The following MOB3B variants were observed in gnomAD, a reference collection of about 807,000 sequenced individuals.
MOB3B encodes the protein MOB kinase activator-like 2B.
In MOB3B, 7 loss-of-function variants were observed where a neutral mutation model predicts 18.7. That is an observed-to-expected ratio of 0.37 (90% CI 0.21 to 0.70). MOB3B has a LOEUF of 0.70. Among genes scored for constraint, MOB3B ranks in the 30% least tolerant of loss-of-function variants. MOB3B has a pLI of 0.52. For synonymous variants in MOB3B, 111 were observed against 99.9 expected, an observed-to-expected ratio of 1.11 and a Z score of -0.66; for missense variants, 253 against 281.3, an observed-to-expected ratio of 0.90 and a Z score of 0.72.
chr9:27,515,173 C>A (rs974640481), intron 1 of MOB3B, among the ~76,000 whole-genome samples: 1 of 152,182 alleles, frequency 6.6e-6, no homozygotes, highest in Admixed American at 6.6e-5. Context: ...AACTGTGCCC[C>A]GACTTCATCT....
At chr9:27,466,777 C>T (rs1420054109) in intron 1 of MOB3B, among the ~76,000 whole-genome samples, 1 of 152,118 alleles carries the variant, frequency 6.6e-6, no homozygotes, top group Non-Finnish European at 1.5e-5. Flanking sequence ...ACAAGAATAG[C>T]ACGGGAAAGA....
At chr9:27,371,008 G>T (rs1431905535) in intron 2 of MOB3B, among the ~76,000 whole-genome samples, 1 of 152,108 alleles carries the variant, frequency 6.6e-6, no homozygotes, top group Non-Finnish European at 1.5e-5. Context: ...GGAGAGAAAC[G>T]CATCTATCAG....
At chr9:27,453,407 G>A (rs17768905) in intron 2 of MOB3B, among the ~76,000 whole-genome samples, 19,187 of 152,154 alleles carry the variant, frequency 0.13, 1,286 homozygotes, top group African/African-American at 0.17. Context: ...AGGTAAGCAC[G>A]TTCCCTAAGC....
At chr9:27,422,976 A>G (rs1444462547) in intron 2 of MOB3B, among the ~76,000 whole-genome samples, 1 of 152,250 alleles carries the variant, frequency 6.6e-6, no homozygotes, top group Non-Finnish European at 1.5e-5. Flanking sequence ...GGTGAATATT[A>G]GACGAATTAT....
chr9:27,505,010 C>A (rs1820038497), intron 1 of MOB3B, among the ~76,000 whole-genome samples: 2 of 152,150 alleles, frequency 1.3e-5, no homozygotes, highest in Admixed American at 1.3e-4. Context: ...CTCATAAGGA[C>A]CCTGTGGCTA....
intron 1 of MOB3B, among the ~76,000 whole-genome samples, chr9:27,480,533 C>T (rs1466119358): frequency 1.3e-5 from 2 of 152,118 alleles, no homozygotes; most frequent in African/African-American, 4.8e-5. Flanking sequence ...ATCTCCTGAC[C>T]TTGTGATCCG....
intron 3 of MOB3B, among the ~76,000 whole-genome samples, chr9:27,345,565 C>G (rs184906600): frequency 6.6e-6 from 1 of 152,086 alleles, no homozygotes; most frequent in Non-Finnish European, 1.5e-5. Flanking sequence ...GGTGGTTGCC[C>G]CCACAGCTTC....
intron 1 of MOB3B, among the ~76,000 whole-genome samples, chr9:27,512,047 C>G (rs143136384): frequency 2.4e-4 from 37 of 152,300 alleles, no homozygotes; most frequent in African/African-American, 8.7e-4. Context: ...ATGCACACTC[C>G]TCCATGCTCC....
intron 3 of MOB3B, among the ~76,000 whole-genome samples, chr9:27,351,808 G>C (rs2131348773): frequency 1.3e-5 from 2 of 152,290 alleles, no homozygotes; most frequent in African/African-American, 4.8e-5. Flanking sequence ...CTACCTCTTA[G>C]GGCAACATGA....
intron 1 of MOB3B, among the ~76,000 whole-genome samples, chr9:27,460,749 A>G (rs529916163): frequency 1.9e-4 from 29 of 152,370 alleles, no homozygotes; most frequent in Admixed American, 1.2e-3. Context: ...TAGGAAGGCC[A>G]TAAGAGAAAT....
chr9:27,436,091 A>T (rs1822496300), intron 2 of MOB3B, among the ~76,000 whole-genome samples: 1 of 152,234 alleles, frequency 6.6e-6, no homozygotes, highest in African/African-American at 2.4e-5. Flanking sequence ...CCGTACCACC[A>T]TCCTATCCTT....
intron 1 of MOB3B, among the ~76,000 whole-genome samples, chr9:27,472,918 A>C (rs1819495175): frequency 6.6e-6 from 1 of 152,374 alleles, no homozygotes; most frequent in Non-Finnish European, 1.5e-5. Flanking sequence ...ATTTTTAAAA[A>C]GAAGCATCTA....
intron 2 of MOB3B, among the ~76,000 whole-genome samples, chr9:27,388,458 T>C (rs1004999236): frequency 1.6e-4 from 25 of 151,698 alleles, no homozygotes; most frequent in African/African-American, 5.8e-4. Context: ...TCAGAGTATC[T>C]TTTTTTTTCT....
intron 2 of MOB3B, among the ~76,000 whole-genome samples, chr9:27,436,976 TA>T (rs1303563791): frequency 3.2e-5 from 2 of 63,140 alleles, no homozygotes; most frequent in African/African-American, 1.3e-4. Flanking sequence ...GGAAAGGGAG[TA>T]GGGGGAAGAG....
Position 27,330,430 on chromosome 9 carries a change from A to C in MOB3B, c.*157T>G. 9.9e-6 allele frequency: 9 copies of C among 905,014 alleles called. No homozygotes were observed. The highest frequency in any genetic ancestry group is 1.5e-5 in the Non-Finnish European group (9 of 600,528). 56.1% of individuals were successfully genotyped at this position (905,014 alleles called of 1,614,324 possible). On this transcript the variant is annotated 3_prime_UTR_variant, in exon 4 of 4. Coordinates refer to ENST00000262244, the MANE Select transcript of MOB3B (RefSeq NM_024761.5). ...CACTCAGAAGGTTAAGAGCACACAA[A>C]GTGAGTGGGGAATGTCTCTCAGGAG... is the stretch of plus-strand genomic sequence containing the variant.
chr9:27,398,194 A>G (rs975463746), intron 2 of MOB3B, among the ~76,000 whole-genome samples: 5 of 152,178 alleles, frequency 3.3e-5, no homozygotes, highest in African/African-American at 1.2e-4. Flanking sequence ...ACAGAATCCA[A>G]TGTCACACAG....
chr9:27,403,661 A>G (rs1054674791), intron 2 of MOB3B, among the ~76,000 whole-genome samples: 1 of 150,946 alleles, frequency 6.6e-6, no homozygotes, highest in Non-Finnish European at 1.5e-5. Context: ...TTGTATGTTT[A>G]GAAGAGACAG....
intron 2 of MOB3B, among the ~76,000 whole-genome samples, chr9:27,407,130 C>T (rs1055178616): frequency 1.3e-5 from 2 of 152,154 alleles, no homozygotes; most frequent in Non-Finnish European, 2.9e-5. Flanking sequence ...AACTACCACG[C>T]CCGGCCCAAA....
In MOB3B at chr9:27,521,065, G is replaced by C. The variant is rs143124891; in HGVS notation, c.-199+8490C>G. 8.0e-3 allele frequency among the ~76,000 whole-genome samples: 1,220 copies of C among 152,228 alleles called. 7 individuals carry two copies. The highest frequency in any genetic ancestry group is 0.027 in the Middle Eastern group (8 of 294). The stretch of plus-strand genomic sequence containing the variant: ...TCTATTAACGTTTACAGAACATGGG[G>C]AATGGAGTCCTTGCTCTTGGGGAAC... On this transcript the variant is annotated intron_variant, in intron 1 of 3. Coordinates refer to ENST00000262244, the MANE Select transcript of MOB3B (RefSeq NM_024761.5).
Sources: gnomAD v4.1 joint callset for allele counts (sites outside exome capture counted in the v4.1 genomes callset) on GRCh38, gnomAD v4.1.1 for gene constraint, MANE v1.5 for transcripts, NCBI Gene and HGNC (gene_info 2026-07-23, HGNC 2026-07-21) for gene names.